The following FOXN3 variants were observed in gnomAD, a reference collection of about 807,000 sequenced individuals.
FOXN3 encodes forkhead box N3.
Under a neutral mutation model 38.4 loss-of-function variants are expected in FOXN3, and 7 were observed. That is an observed-to-expected ratio of 0.18 (90% CI 0.10 to 0.34). The LOEUF is 0.34. Among genes scored for constraint, FOXN3 ranks in the 10% least tolerant of loss-of-function variants. FOXN3 has a pLI of 1.00. For synonymous variants in FOXN3, 230 were observed against 242.2 expected, an observed-to-expected ratio of 0.95 and a Z score of 0.47; for missense variants, 456 against 613.4, an observed-to-expected ratio of 0.74 and a Z score of 2.71.
intron 5 of FOXN3, among the ~76,000 whole-genome samples, chr14:89,175,619 G>GC (rs894226527): frequency 3.3e-5 from 5 of 152,186 alleles, no homozygotes; most frequent in African/African-American, 1.2e-4. Context: ...CTCTTGAGAA[G>GC]CCCATGGGCA....
intron 1 of FOXN3, among the ~76,000 whole-genome samples, chr14:89,581,946 G>C (rs1895748187): frequency 6.6e-6 from 1 of 152,106 alleles, no homozygotes; most frequent in African/African-American, 2.4e-5. Context: ...TTAGCCCCAG[G>C]ACAAAAAGTT....
intron 2 of FOXN3, among the ~76,000 whole-genome samples, chr14:89,368,852 A>G (rs975279318): frequency 2.6e-5 from 4 of 152,190 alleles, no homozygotes; most frequent in African/African-American, 7.2e-5. Flanking sequence ...CATCCAGTTA[A>G]TTAATAACTG....
intron 1 of FOXN3, among the ~76,000 whole-genome samples, chr14:89,443,784 C>T (rs908150308): frequency 9.9e-5 from 15 of 151,944 alleles, no homozygotes; most frequent in South Asian, 2.1e-4. Context: ...CCAAGGTGGG[C>T]GGGTCACCTG....
chr14:89,343,267 T>A (rs1888664938), intron 3 of FOXN3, among the ~76,000 whole-genome samples: 1 of 152,188 alleles, frequency 6.6e-6, no homozygotes. Flanking sequence ...GATTTTCTAA[T>A]CTTCTAATTG....
chr14:89,393,145 T>G (rs1891002932), intron 2 of FOXN3, among the ~76,000 whole-genome samples: 1 of 152,042 alleles, frequency 6.6e-6, no homozygotes, highest in Non-Finnish European at 1.5e-5. Flanking sequence ...TTCACCATGT[T>G]GGCCAGGCTG....
chr14:89,446,761 C>T (rs1306727886), intron 1 of FOXN3, among the ~76,000 whole-genome samples: 1 of 152,206 alleles, frequency 6.6e-6, no homozygotes, highest in African/African-American at 2.4e-5. Context: ...CAATAAACTG[C>T]AGAGTGAGTG....
intron 1 of FOXN3, among the ~76,000 whole-genome samples, chr14:89,487,097 T>G (rs530750463): frequency 2.6e-5 from 4 of 152,180 alleles, no homozygotes; most frequent in Non-Finnish European, 5.9e-5. Flanking sequence ...GTAGACCAAG[T>G]GTACACGCTG....
At chr14:89,511,829 G>A (rs1004195582) in intron 1 of FOXN3, among the ~76,000 whole-genome samples, 11 of 152,170 alleles carry the variant, frequency 7.2e-5, no homozygotes, top group African/African-American at 1.2e-4. Context: ...AAGCAAACAC[G>A]TCCTTCTTCA....
chr14:89,369,532 C>T (rs889084952), intron 2 of FOXN3, among the ~76,000 whole-genome samples: 2 of 144,458 alleles, frequency 1.4e-5, no homozygotes, highest in South Asian at 2.2e-4. Flanking sequence ...CAAGGACATA[C>T]CCAAGACTGG....
chr14:89,574,679 T>A (rs531193806), intron 1 of FOXN3, among the ~76,000 whole-genome samples: 1 of 152,248 alleles, frequency 6.6e-6, no homozygotes, highest in South Asian at 2.1e-4. Context: ...CCACTTTACA[T>A]CCCTATGTTG....
chr14:89,182,380 T>C (rs1887697172), intron 4 of FOXN3, among the ~76,000 whole-genome samples: 1 of 152,202 alleles, frequency 6.6e-6, no homozygotes, highest in African/African-American at 2.4e-5. Context: ...CCTTTGTTAC[T>C]AGGTCTTACA....
chr14:89,414,553 T>A (rs1037537917), intron 1 of FOXN3, among the ~76,000 whole-genome samples: 7 of 66,990 alleles, frequency 1.0e-4, no homozygotes, highest in African/African-American at 4.9e-4. Context: ...CCCAACCGGT[T>A]TTTTTTTTTT....
At chr14:89,581,559 C>T (rs189683202) in intron 1 of FOXN3, among the ~76,000 whole-genome samples, 6 of 152,154 alleles carry the variant, frequency 3.9e-5, no homozygotes, top group Admixed American at 1.3e-4. Flanking sequence ...TTGTATGATA[C>T]GTGTCATCCG....
intron 4 of FOXN3, among the ~76,000 whole-genome samples, chr14:89,209,513 C>G (rs1229079371): frequency 1.3e-5 from 2 of 152,240 alleles, no homozygotes; most frequent in Admixed American, 1.3e-4. Flanking sequence ...AACATTTACA[C>G]AGCGGAGTGA....
At chr14:89,298,481 A>AAAT (rs1887115507) in intron 3 of FOXN3, among the ~76,000 whole-genome samples, 1 of 151,768 alleles carries the variant, frequency 6.6e-6, no homozygotes, top group African/African-American at 2.4e-5. Context: ...TTAAAAAAAA[A>AAAT]AAAAAAAAAA....
intron 2 of FOXN3, among the ~76,000 whole-genome samples, chr14:89,363,975 T>C (rs1596228348): frequency 1.2e-5 from 1 of 81,786 alleles, no homozygotes; most frequent in Non-Finnish European, 2.5e-5. Flanking sequence ...TATATATATA[T>C]ATATATATAT....
At chr14:89,599,769 C>T (rs1017969661) in intron 1 of FOXN3, among the ~76,000 whole-genome samples, 4 of 152,058 alleles carry the variant, frequency 2.6e-5, no homozygotes, top group African/African-American at 7.2e-5. Context: ...GGCTTCACTA[C>T]CTATGTTTTA....
chr14:89,417,901 CCT>C (rs377035212), upstream of FOXN3: 7 of 366,266 alleles, frequency 1.9e-5, no homozygotes, highest in African/African-American at 1.5e-4. Context: ...GCCGGTGGGG[CCT>C]CTCAAGTGGG....
chr14:89,299,637 G>A (rs2139944790), intron 3 of FOXN3, among the ~76,000 whole-genome samples: 1 of 152,272 alleles, frequency 6.6e-6, no homozygotes, highest in East Asian at 1.9e-4. Context: ...GGTGGCCCGG[G>A]GATACCTTCT....
Sources: allele counts gnomAD v4.1 joint callset (sites outside exome capture counted in the v4.1 genomes callset), GRCh38; gene constraint gnomAD v4.1.1; transcripts MANE v1.5; gene names NCBI Gene and HGNC (gene_info 2026-07-23, HGNC 2026-07-21).